KIR2DL1: variants seen among roughly 807,000 people sequenced by gnomAD.
The protein encoded by KIR2DL1 is killer cell immunoglobulin-like receptor 2DL1.
KIR2DL1 carries 38 observed loss-of-function variants against 33.9 expected under a neutral mutation model. The ratio of observed to expected loss-of-function variants is 1.12; its 90% CI spans 0.86 to 1.47. KIR2DL1 has a LOEUF of 1.47. KIR2DL1 is among the 40% of genes most tolerant of loss of function. KIR2DL1 has a pLI of 0.00. For synonymous variants in KIR2DL1, 179 were observed against 165.9 expected (o/e 1.08, Z -0.61); for missense variants, 531 against 433.9 (o/e 1.22, Z -1.99).
rs200750887 is a variant in KIR2DL1, at chr19:54,769,899, G to A, written c.34+15G>A. On this transcript the variant is annotated intron_variant, in intron 1 of 7. Coordinates refer to ENST00000336077, the MANE Select transcript of KIR2DL1 (RefSeq NM_014218.3). ...GGCGTGTGTTGGTGAGTCCTGGAAA[G>A]CAATAGAGGGAGGGAGTGAGGGGAT... 57 of 1,565,006 alleles carry A rather than the reference G, an allele frequency of 3.6e-5. 3 individuals carry two copies. The Admixed American group carries it at 3.8e-4, about 10-fold the overall frequency.
chr19:54,782,255 G>A (rs1221936198), intron 5 of KIR2DL1, among the ~76,000 whole-genome samples: 6 of 152,046 alleles, frequency 3.9e-5, no homozygotes, highest in African/African-American at 1.5e-4. Context: ...GGTGTTCTGA[G>A]ACGTTCCTCC....
At chr19:54,782,203 C>T (rs1035241669) in intron 5 of KIR2DL1, among the ~76,000 whole-genome samples, 11 of 151,452 alleles carry the variant, frequency 7.3e-5, no homozygotes, top group African/African-American at 2.4e-4. Context: ...TCAGCTAAAG[C>T]ACTGCATGAC....
At chr19:54,777,023 G>A (rs1466584639) in intron 4 of KIR2DL1, among the ~76,000 whole-genome samples, 12 of 151,748 alleles carry the variant, frequency 7.9e-5, no homozygotes, top group African/African-American at 2.9e-4. Context: ...AGGGTACCAG[G>A]GTTCTCCTTT....
At chr19:54,783,364 T>C (rs1262449283) in intron 6 of KIR2DL1, 122 bp from the exon 7 acceptor site, 3 of 1,042,258 alleles carry the variant, frequency 2.9e-6, no homozygotes, top group East Asian at 2.4e-5. Flanking sequence ...TGTCTGAGTC[T>C]GCTGTTGGCA....
intron 5 of KIR2DL1, among the ~76,000 whole-genome samples, chr19:54,781,493 T>G (rs1285828850): frequency 6.6e-6 from 1 of 150,688 alleles, no homozygotes; most frequent in Non-Finnish European, 1.5e-5. Flanking sequence ...CTGTGGAGAT[T>G]CAGATAGACC....
Position 54,775,163 on chromosome 19 carries a change from A to G in KIR2DL1, c.371-2A>G, listed in dbSNP as rs1204570122. ...TGAGGAAACTGCCTCTTCTCCTTCC[A>G]GGTCTATATGAGAAACCTTCTCTCT... On this transcript the variant is annotated splice_acceptor_variant, in intron 3 of 7. Transcript: ENST00000336077. LOFTEE classifies it high-confidence loss of function. 4.4e-6 allele frequency: 7 copies of G among 1,573,898 alleles called. No individual in the cohort carries two copies. Among genetic ancestry groups the G allele is most frequent in the Non-Finnish European group, 6.1e-6 (7 of 1,153,842 alleles).
In KIR2DL1 at chr19:54,773,318, A is replaced by C. The variant is rs776195528; in HGVS notation, c.71-15A>C. The C allele has an allele frequency of 5.7e-6, 9 of 1,592,244 alleles. No individual in the cohort carries two copies. In the East Asian group the frequency reaches 2.0e-4, roughly 36 times the overall value. On this transcript the variant is annotated splice_polypyrimidine_tract_variant and intron_variant, in intron 2 of 7. Coordinates refer to ENST00000336077, the MANE Select transcript of KIR2DL1 (RefSeq NM_014218.3). ...AAAGAGAGACACCTTCTAAACTCAC[A>C]ACCTCTCTTCCTAGGAGTCCACAGA...
intron 4 of KIR2DL1, among the ~76,000 whole-genome samples, chr19:54,777,865 T>C (rs2984170): frequency 7.4e-6 from 1 of 135,542 alleles, no homozygotes; most frequent in South Asian, 2.3e-4. Flanking sequence ...ACAGGTAGAG[T>C]TGCAGTTTCA....
At chr19:54,776,109 C>A (rs2076301370) in intron 4 of KIR2DL1, among the ~76,000 whole-genome samples, 1 of 144,868 alleles carries the variant, frequency 6.9e-6, no homozygotes, top group Non-Finnish European at 1.5e-5. Flanking sequence ...TCGAGCTGGT[C>A]TCGAACTCCT....
intron 1 of KIR2DL1, among the ~76,000 whole-genome samples, chr19:54,770,207 G>A (rs1345497591): frequency 1.4e-5 from 2 of 145,644 alleles, no homozygotes; most frequent in Non-Finnish European, 3.1e-5. Context: ...TGGAGTCATG[G>A]GCCTGGAGGT....
intron 2 of KIR2DL1, among the ~76,000 whole-genome samples, chr19:54,772,934 C>T (rs1312223158): frequency 4.1e-5 from 6 of 146,798 alleles, no homozygotes; most frequent in South Asian, 2.2e-4. Context: ...GCCTGCCTTA[C>T]TGATCAGTTC....
chr19:54,784,024 A>G lies in KIR2DL1; in HGVS notation c.*211A>G, dbSNP rs1421493900. The G allele has an allele frequency of 4.3e-5, 34 of 797,312 alleles. No individual in the cohort carries two copies. The highest frequency in any genetic ancestry group is 6.0e-6 in the Non-Finnish European group (3 of 497,656). The allele number at this position is 797,312 out of a possible 1,614,324, so 49.4% of individuals were successfully genotyped here. ...CCACTGCCTGCTGGAGAAAAAACAC[A>G]CTCCTTTGCTTAACCCACAGTTCTC... On this transcript the variant is annotated 3_prime_UTR_variant, in exon 8 of 8. Transcript: ENST00000336077.
rs1401380529 is a variant in KIR2DL1, at chr19:54,773,897, CAG to C, written c.370+272_370+273del. 5.4e-5 allele frequency among the ~76,000 whole-genome samples: 8 copies of C among 148,458 alleles called. 1 individual carries two copies. Among genetic ancestry groups the C allele is most frequent in the African/African-American group, 2.0e-4 (8 of 40,658 alleles). On this transcript the variant is annotated intron_variant, in intron 3 of 7. Coordinates refer to ENST00000336077, the MANE Select transcript of KIR2DL1 (RefSeq NM_014218.3). Reference sequence around the variant, plus strand: ...AGGAGACACACAGACAGACATGTCCCAGAGAGAGGTGTCCCTCCATGCTGACT... The same window carrying C: ...AGGAGACACACAGACAGACATGTCCCAGAGAGGTGTCCCTCCATGCTGACT...
rs555357250 is a variant in KIR2DL1, at chr19:54,778,195, G to A, written c.665-417G>A. Among the ~76,000 whole-genome samples, 4 of 148,848 alleles carry A rather than the reference G, an allele frequency of 2.7e-5. No individual in the cohort carries two copies. In the South Asian group the frequency reaches 6.4e-4, roughly 24 times the overall value. ...GAATGATTGAACCCAGGAGGCTGAGGTTGCAGTGAACCGAGATTGCACCTC... is the reference window on the plus strand; with the variant it reads ...GAATGATTGAACCCAGGAGGCTGAGATTGCAGTGAACCGAGATTGCACCTC... On this transcript the variant is annotated intron_variant, in intron 4 of 7. Coordinates refer to ENST00000336077, the MANE Select transcript of KIR2DL1 (RefSeq NM_014218.3).
In KIR2DL1 at chr19:54,783,694, T is replaced by A. The variant is rs2077332281; in HGVS notation, c.928T>A (p.Phe310Ile). Reference protein sequence around the residue: ...VTYTQLNHCVFTQRKITRPSQ... With the variant: ...VTYTQLNHCVITQRKITRPSQ... ...ATACACACAGTTGAATCACTGCGTTTTCACACAGAGAAAAATCACTCGCCC... is the reference window on the plus strand; with the variant it reads ...ATACACACAGTTGAATCACTGCGTTATCACACAGAGAAAAATCACTCGCCC... The change falls in exon 8 of 8, where the codon TTC becomes ATC. Residue 310 changes from phenylalanine (F) to isoleucine (I), a missense_variant. Transcript: ENST00000336077. The A allele has an allele frequency of 3.1e-6, 5 of 1,613,998 alleles. No individual in the cohort carries two copies. In the East Asian group the frequency reaches 8.9e-5, roughly 29 times the overall value.
intron 5 of KIR2DL1, among the ~76,000 whole-genome samples, chr19:54,779,720 T>C (rs2076746411): frequency 6.7e-6 from 1 of 149,082 alleles, no homozygotes; most frequent in South Asian, 2.1e-4. Context: ...ACAGGGACAT[T>C]TTGGGGTGGG....
At chr19:54,779,880 G>GTATGAAATCTATTTGTTTGTTTCTT (rs2076762870) in intron 5 of KIR2DL1, among the ~76,000 whole-genome samples, 2 of 135,998 alleles carry the variant, frequency 1.5e-5, no homozygotes, top group African/African-American at 2.8e-5. Flanking sequence ...AAGCATCTGT[G>GTATGAAATCTATTTGTTTGTTTCTT]CATGAAATCT....
At chr19:54,781,714 C>G (rs2076973103) in intron 5 of KIR2DL1, among the ~76,000 whole-genome samples, 1 of 152,140 alleles carries the variant, frequency 6.6e-6, no homozygotes, top group African/African-American at 2.4e-5. Context: ...CAAAGAGCAG[C>G]AGGTTTCACA....
Position 54,783,535 on chromosome 19 carries a change from C to T in KIR2DL1, c.867C>T (p.Ser289=), listed in dbSNP as rs2736416. The change falls in exon 7 of 8, where the codon AGC becomes AGT. Residue 289 remains serine (S), a synonymous_variant. Transcript: ENST00000336077. ...QESAGNRTAN[S]EDSDEQDPQE... ...CTGCAGGAAACAGAACAGCGAATAGCGAGGTAGGTACTCCTCGGCCCGGGC... is the reference window on the plus strand; with the variant it reads ...CTGCAGGAAACAGAACAGCGAATAGTGAGGTAGGTACTCCTCGGCCCGGGC... The T allele has an allele frequency of 7.4e-6, 12 of 1,613,354 alleles. No individual in the cohort carries two copies. The highest frequency in any genetic ancestry group is 1.3e-5 in the African/African-American group (1 of 74,784).
Sources: gnomAD v4.1 joint callset for allele counts (sites outside exome capture counted in the v4.1 genomes callset) on GRCh38, gnomAD v4.1.1 for gene constraint, MANE v1.5 for transcripts, NCBI Gene and HGNC (gene_info 2026-07-23, HGNC 2026-07-21) for gene names.